Variants in TTC23 observed in about 807,000 individuals in gnomAD.
The protein encoded by TTC23 is tetratricopeptide repeat domain 23.
TTC23 carries 58 observed loss-of-function variants against 55.1 expected under a neutral mutation model. That is an observed-to-expected ratio of 1.05 (90% CI 0.85 to 1.31). The LOEUF is 1.31. TTC23 is among the 50% of genes most tolerant of loss of function. The probability of loss-of-function intolerance (pLI) is 0.00; values close to 1 mark genes in which losing one functional copy is unlikely to be tolerated. For synonymous variants in TTC23, 203 were observed against 199.9 expected, an observed-to-expected ratio of 1.02 and a Z score of -0.13; for missense variants, 516 against 534.4, an observed-to-expected ratio of 0.97 and a Z score of 0.34.
At chr15:99,173,029 T>G (rs2073133047) in intron 10 of TTC23, among the ~76,000 whole-genome samples, 1 of 152,222 alleles carries the variant, frequency 6.6e-6, no homozygotes, top group Non-Finnish European at 1.5e-5. Context: ...GTGAGTACAC[T>G]GAGCACTGGG....
intron 8 of TTC23, among the ~76,000 whole-genome samples, chr15:99,208,681 C>T (rs1950077208): frequency 6.6e-6 from 1 of 151,832 alleles, no homozygotes. Context: ...TGTGAGTACA[C>T]TATTCACATA....
At chr15:99,156,411 C>T (rs2070578305) in intron 11 of TTC23, 114 bp from the exon 12 acceptor site, 3 of 1,262,742 alleles carry the variant, frequency 2.4e-6, no homozygotes, top group Non-Finnish European at 3.3e-6. Flanking sequence ...TGAGCCTGTT[C>T]TCCTCTTGTA....
At chr15:99,222,703 A>G (rs1293424477) in intron 5 of TTC23, among the ~76,000 whole-genome samples, 1 of 152,190 alleles carries the variant, frequency 6.6e-6, no homozygotes, top group Non-Finnish European at 1.5e-5. Context: ...GGCAGTTTTA[A>G]AACACGGTTC....
At chr15:99,231,284 T>C (rs2078911468) in intron 4 of TTC23, among the ~76,000 whole-genome samples, 1 of 152,250 alleles carries the variant, frequency 6.6e-6, no homozygotes. Context: ...TACTTATACA[T>C]TTCTAAAAGT....
At chr15:99,189,247 C>T (rs905190761) in intron 9 of TTC23, among the ~76,000 whole-genome samples, 1 of 151,908 alleles carries the variant, frequency 6.6e-6, no homozygotes, top group Admixed American at 6.6e-5. Flanking sequence ...AAATAAATAA[C>T]TTGGTAGGGA....
intron 12 of TTC23, chr15:99,140,286 C>T (rs1283409029): frequency 6.6e-6 from 1 of 152,374 alleles, no homozygotes; most frequent in Non-Finnish European, 1.5e-5. Flanking sequence ...CCAAATCAAA[C>T]ACAAATATTA....
intron 12 of TTC23, among the ~76,000 whole-genome samples, chr15:99,153,223 A>G (rs190482925): frequency 6.6e-6 from 1 of 152,258 alleles, no homozygotes; most frequent in African/African-American, 2.4e-5. Context: ...TTAAATTATT[A>G]AAAATGATTG....
chr15:99,186,745 A>G (rs986246276), intron 9 of TTC23, among the ~76,000 whole-genome samples: 4 of 152,166 alleles, frequency 2.6e-5, no homozygotes, highest in African/African-American at 9.7e-5. Flanking sequence ...AAATTTACCC[A>G]AAGAAGTATA....
intron 12 of TTC23, chr15:99,139,775 T>G (rs1377278339): frequency 2.4e-5 from 31 of 1,297,050 alleles, no homozygotes; most frequent in Non-Finnish European, 3.0e-5. Flanking sequence ...TAGTTTTGTT[T>G]TTTTTGTAAA....
intron 3 of TTC23, among the ~76,000 whole-genome samples, chr15:99,238,840 T>G (rs2079534639): frequency 6.6e-6 from 1 of 152,220 alleles, no homozygotes; most frequent in Admixed American, 6.5e-5. Flanking sequence ...ATATAATACC[T>G]TGTGAATATC....
At chr15:99,244,094 A>G (rs1258236419) in intron 2 of TTC23, among the ~76,000 whole-genome samples, 1 of 152,178 alleles carries the variant, frequency 6.6e-6, no homozygotes, top group Non-Finnish European at 1.5e-5. Flanking sequence ...GTATCTCATA[A>G]ATATATACAC....
intron 5 of TTC23, chr15:99,228,256 G>A (rs930934179): frequency 3.6e-6 from 1 of 274,558 alleles, no homozygotes; most frequent in Admixed American, 5.1e-5. Flanking sequence ...CTCTATGAGA[G>A]CAGAAGCTGC....
intron 3 of TTC23, among the ~76,000 whole-genome samples, chr15:99,235,735 T>C (rs2079271151): frequency 6.6e-6 from 1 of 152,196 alleles, no homozygotes; most frequent in Admixed American, 6.5e-5. Context: ...TGTACAACCA[T>C]TACCACTGTC....
chr15:99,208,752 TGA>T (rs1472910760), intron 8 of TTC23, among the ~76,000 whole-genome samples: 1 of 152,146 alleles, frequency 6.6e-6, no homozygotes, highest in Non-Finnish European at 1.5e-5. Context: ...AAAAAGGAAT[TGA>T]GAGTACTACA....
At chr15:99,166,402 G>T (rs1218908325) in intron 10 of TTC23, among the ~76,000 whole-genome samples, 1 of 152,216 alleles carries the variant, frequency 6.6e-6, no homozygotes, top group African/African-American at 2.4e-5. Flanking sequence ...GGATGCTGCA[G>T]GGTTCAGTTC....
intron 9 of TTC23, among the ~76,000 whole-genome samples, chr15:99,197,843 T>C (rs1032808301): frequency 6.6e-6 from 1 of 151,468 alleles, no homozygotes; most frequent in African/African-American, 2.4e-5. Context: ...GAGGTGGAGG[T>C]TGCAGTGAGC....
At chr15:99,154,987 A>T (rs1226471102) in intron 12 of TTC23, among the ~76,000 whole-genome samples, 2 of 152,252 alleles carry the variant, frequency 1.3e-5, no homozygotes, top group Admixed American at 6.5e-5. Context: ...AATTGGAGGC[A>T]TAAGAACTGG....
At chr15:99,218,495 G>A in intron 8 of TTC23, 93 bp downstream of exon 8, 1 of 1,532,648 alleles carries the variant, frequency 6.5e-7, no homozygotes, top group Non-Finnish European at 8.9e-7. Context: ...CATGGCCGCA[G>A]CCTCATGGAG....
At chr15:99,176,571 C>T (rs1433762224) in intron 9 of TTC23, among the ~76,000 whole-genome samples, 2 of 152,094 alleles carry the variant, frequency 1.3e-5, no homozygotes, top group South Asian at 2.1e-4. Context: ...TATGATTATG[C>T]CACTGCACTT....
Sources: allele counts gnomAD v4.1 joint callset (sites outside exome capture counted in the v4.1 genomes callset), GRCh38; gene constraint gnomAD v4.1.1; transcripts MANE v1.5; gene names NCBI Gene and HGNC (gene_info 2026-07-23, HGNC 2026-07-21).